Variants in VWA2 observed in about 807,000 individuals in gnomAD.
VWA2 encodes von Willebrand factor A domain containing 2.
In VWA2, 73 loss-of-function variants were observed where a neutral mutation model predicts 70.4. The observed-to-expected ratio is 1.04, with a 90% confidence interval of 0.86 to 1.26. The LOEUF (loss-of-function observed/expected upper bound fraction) is 1.26. Among genes scored for constraint, VWA2 ranks in the 50% most tolerant of loss-of-function variants. The pLI, the probability that VWA2 is intolerant of heterozygous loss-of-function variation, is 0.00. For missense variants in VWA2, 1,011 were observed against 998.5 expected (o/e 1.01, Z -0.17); for synonymous variants, 407 against 423.3 (o/e 0.96, Z 0.47).
At chr10:114,265,215 GA>G (rs2037535651) in intron 5 of VWA2, among the ~76,000 whole-genome samples, 2 of 152,130 alleles carry the variant, frequency 1.3e-5, no homozygotes, top group South Asian at 4.1e-4. Context: ...AAATATCACT[GA>G]ATTGTACACT....
At chr10:114,245,346 T>C (rs932237850) in intron 1 of VWA2, among the ~76,000 whole-genome samples, 1 of 151,890 alleles carries the variant, frequency 6.6e-6, no homozygotes, top group Non-Finnish European at 1.5e-5. Flanking sequence ...AGGAACCTTC[T>C]GTACTTCCTT....
chr10:114,267,962 CAAAAGAT>C (rs1420570745), intron 5 of VWA2, among the ~76,000 whole-genome samples: 1 of 152,090 alleles, frequency 6.6e-6, no homozygotes, highest in Admixed American at 6.5e-5. Context: ...AGACTAGACT[CAAAAGAT>C]AAACTTCTTA....
intron 5 of VWA2, among the ~76,000 whole-genome samples, chr10:114,269,344 G>T (rs537867597): frequency 6.6e-6 from 1 of 152,212 alleles, no homozygotes; most frequent in Admixed American, 6.5e-5. Context: ...GCTTTGGGAG[G>T]CCAGGGCGGG....
intron 4 of VWA2, among the ~76,000 whole-genome samples, chr10:114,258,168 C>T (rs2037370064): frequency 6.6e-6 from 1 of 152,206 alleles, no homozygotes; most frequent in African/African-American, 2.4e-5. Context: ...TTTATTCTGA[C>T]TTGTGGCTTC....
chr10:114,276,672 AATT>A (rs2037849981), intron 6 of VWA2, among the ~76,000 whole-genome samples: 1 of 142,782 alleles, frequency 7.0e-6, no homozygotes, highest in Non-Finnish European at 1.5e-5. Context: ...GACACCCAGC[AATT>A]TTTTTTTTTT....
intron 1 of VWA2, among the ~76,000 whole-genome samples, chr10:114,242,791 TAAATG>T (rs774482015): frequency 7.2e-5 from 11 of 152,370 alleles, no homozygotes; most frequent in East Asian, 1.9e-4. Context: ...TGGGTGTTGT[TAAATG>T]AAATGAATAT....
chr10:114,255,152 G>A, intron 4 of VWA2, 104 bp downstream of exon 4: 1 of 1,437,672 alleles, frequency 7.0e-7, no homozygotes, highest in Non-Finnish European at 9.6e-7. Context: ...GTGGAGCTGG[G>A]AAGACCAAGG....
At chr10:114,274,659 CT>C (rs561447449) in intron 6 of VWA2, among the ~76,000 whole-genome samples, 2,037 of 143,622 alleles carry the variant, frequency 0.014, 20 homozygotes, top group African/African-American at 0.039. Context: ...CACCTGGCTA[CT>C]TTTTTTTTTT....
chr10:114,293,359 T>G lies in VWA2; in HGVS notation c.*2122T>G, dbSNP rs1012213415. 6.6e-6 allele frequency among the ~76,000 whole-genome samples: 1 copy of G among 152,242 alleles called. No homozygotes were observed. The highest frequency in any genetic ancestry group is 1.5e-5 in the Non-Finnish European group (1 of 68,038). ...TTATAATGTAGGCTTTTTGTCTTGT[T>G]CCGGGCTGGTATTTGGGTGCCCTGA... On this transcript the variant is annotated 3_prime_UTR_variant, in exon 14 of 14. Coordinates refer to ENST00000392982, the MANE Select transcript of VWA2 (RefSeq NM_001272046.2).
At position 114,286,215 on chromosome 10, in the gene VWA2, C is replaced by T. The variant is rs763081792; in HGVS notation, c.1274C>T (p.Ala425Val). The T allele has an allele frequency of 1.4e-5, 22 of 1,613,880 alleles. No individual in the cohort carries two copies. The East Asian group carries it at 4.9e-4, about 36-fold the overall frequency. The change falls in exon 11 of 14, where the codon GCC becomes GTC. Residue 425 changes from alanine to valine, a missense_variant. Transcript: ENST00000392982. ...FRGGPTLTGS[A>V]LRQAAERGFG... ...GGTGGCCCCACCCTGACGGGCAGTG[C>T]CTTGCGGCAGGCGGCAGAGCGTGGC...
chr10:114,267,026 A>G (rs1233818210), intron 5 of VWA2, among the ~76,000 whole-genome samples: 1 of 152,222 alleles, frequency 6.6e-6, no homozygotes, highest in Non-Finnish European at 1.5e-5. Flanking sequence ...TTATTCTCCT[A>G]AAAGGTAACA....
intron 1 of VWA2, among the ~76,000 whole-genome samples, chr10:114,245,353 C>T (rs2133280015): frequency 6.6e-6 from 1 of 152,270 alleles, no homozygotes; most frequent in South Asian, 2.1e-4. Flanking sequence ...TTCTGTACTT[C>T]CTTCCACTTT....
chr10:114,284,085 A>G (rs1030885990), intron 9 of VWA2, among the ~76,000 whole-genome samples: 1 of 152,212 alleles, frequency 6.6e-6, no homozygotes, highest in Non-Finnish European at 1.5e-5. Context: ...GTAATAATTG[A>G]TAAGGAAAGC....
At chr10:114,286,916 GTGCACACATGCACATGTA>G (rs1564743321) in intron 11 of VWA2, among the ~76,000 whole-genome samples, 1 of 152,118 alleles carries the variant, frequency 6.6e-6, no homozygotes. Flanking sequence ...TGTGTTCCTG[GTGCACACATGCACATGTA>G]TGCACACATA....
intron 1 of VWA2, 84 bp from the exon 2 acceptor site, chr10:114,248,620 G>C: frequency 8.3e-7 from 1 of 1,198,432 alleles, no homozygotes; most frequent in Non-Finnish European, 1.2e-6. Flanking sequence ...AAAAGGCTGA[G>C]TTGGCATCTT....
At chr10:114,271,963 G>C (rs1457437973) in intron 5 of VWA2, among the ~76,000 whole-genome samples, 1 of 152,208 alleles carries the variant, frequency 6.6e-6, no homozygotes. Context: ...AAAATCCACT[G>C]TAGTGAGTCA....
chr10:114,285,636 A>G (rs1320859855), intron 10 of VWA2, among the ~76,000 whole-genome samples: 2 of 152,238 alleles, frequency 1.3e-5, no homozygotes, highest in East Asian at 3.8e-4. Flanking sequence ...ATATATTTTC[A>G]TGATCTTGAG....
At chr10:114,261,997 G>C (rs2037454609) in intron 5 of VWA2, among the ~76,000 whole-genome samples, 1 of 152,064 alleles carries the variant, frequency 6.6e-6, no homozygotes, top group Non-Finnish European at 1.5e-5. Context: ...GAGAGAGGAG[G>C]AGGTGACACA....
At chr10:114,275,294 G>A (rs1038456442) in intron 6 of VWA2, among the ~76,000 whole-genome samples, 9 of 152,206 alleles carry the variant, frequency 5.9e-5, no homozygotes, top group Admixed American at 5.9e-4. Flanking sequence ...TGATCAGCAA[G>A]TTGGCATTTA....
Sources: gnomAD v4.1 joint callset for allele counts (sites outside exome capture counted in the v4.1 genomes callset) on GRCh38, gnomAD v4.1.1 for gene constraint, MANE v1.5 for transcripts, NCBI Gene and HGNC (gene_info 2026-07-23, HGNC 2026-07-21) for gene names.